Variants in STXBP5L observed in about 807,000 individuals in gnomAD.
STXBP5L encodes syntaxin-binding protein 5-like.
STXBP5L carries 65 observed loss-of-function variants against 144.5 expected under a neutral mutation model. The observed-to-expected ratio is 0.45, with a 90% CI of 0.37 to 0.55. The LOEUF is 0.55. STXBP5L is among the 20% of genes least tolerant of loss of function. The probability of loss-of-function intolerance (pLI) is 0.00; values close to 1 mark genes in which losing one functional copy is unlikely to be tolerated. For synonymous variants in STXBP5L, 505 were observed against 469.6 expected (o/e 1.08, Z -0.97); for missense variants, 1,298 against 1,405.5 (o/e 0.92, Z 1.22).
At chr3:121,205,619 C>G (rs1559862683) in intron 9 of STXBP5L, among the ~76,000 whole-genome samples, 1 of 152,090 alleles carries the variant, frequency 6.6e-6, no homozygotes. Context: ...TGTCTTCAAA[C>G]TTTAATAATT....
chr3:120,993,400 A>C (rs1338770927), intron 3 of STXBP5L, among the ~76,000 whole-genome samples: 1 of 152,006 alleles, frequency 6.6e-6, no homozygotes, highest in East Asian at 1.9e-4. Context: ...CATGTACTGC[A>C]GTGTTTCCCC....
intron 19 of STXBP5L, 53 bp from the exon 20 acceptor site, chr3:121,318,422 A>G: frequency 7.2e-7 from 1 of 1,395,844 alleles, no homozygotes; most frequent in South Asian, 1.5e-5. Flanking sequence ...AAATAAGAAT[A>G]ACCTACAAAA....
intron 3 of STXBP5L, among the ~76,000 whole-genome samples, chr3:121,001,128 G>T (rs753663754): frequency 2.6e-4 from 40 of 152,354 alleles, no homozygotes; most frequent in Non-Finnish European, 5.1e-4. Flanking sequence ...GGAGTGGCAG[G>T]TGGCAGCAGC....
intron 19 of STXBP5L, among the ~76,000 whole-genome samples, chr3:121,310,316 G>A (rs908205107): frequency 3.9e-5 from 6 of 152,242 alleles, no homozygotes; most frequent in African/African-American, 1.4e-4. Flanking sequence ...GCACTATTAA[G>A]AGGCCAGGCA....
chr3:121,023,415 A>G (rs910414083), intron 3 of STXBP5L, among the ~76,000 whole-genome samples: 2 of 152,166 alleles, frequency 1.3e-5, no homozygotes, highest in African/African-American at 4.8e-5. Context: ...ATATGGAACC[A>G]AAAAAGAGCC....
At chr3:121,083,467 G>A (rs555066214) in intron 5 of STXBP5L, among the ~76,000 whole-genome samples, 1 of 151,750 alleles carries the variant, frequency 6.6e-6, no homozygotes, top group Non-Finnish European at 1.5e-5. Flanking sequence ...TTCAAGACCA[G>A]CCTGGCCAAC....
rs553542326 is a variant in STXBP5L, at chr3:121,404,065, T to C, written c.2588-3178T>C. Among the ~76,000 whole-genome samples, 9 of 152,246 alleles carry C rather than the reference T, an allele frequency of 5.9e-5. 1 individual carries two copies. The South Asian group carries it at 1.9e-3, about 32-fold the overall frequency. On this transcript the variant is annotated intron_variant, in intron 22 of 26. Transcript: ENST00000471454. ...GACCTCTCCACAAATTCCTAACATATATCCAGCTATTTGATATCCATTTGG... is the reference window on the plus strand; with the variant it reads ...GACCTCTCCACAAATTCCTAACATACATCCAGCTATTTGATATCCATTTGG...
intron 19 of STXBP5L, among the ~76,000 whole-genome samples, chr3:121,310,838 G>A (rs1211034909): frequency 6.6e-6 from 1 of 152,036 alleles, no homozygotes; most frequent in East Asian, 1.9e-4. Flanking sequence ...GAAGCTGGGA[G>A]GTGAAGGTTG....
chr3:121,258,107 G>A (rs2050267393), intron 17 of STXBP5L, among the ~76,000 whole-genome samples: 1 of 151,924 alleles, frequency 6.6e-6, no homozygotes, highest in Non-Finnish European at 1.5e-5. Context: ...TTATTAATAA[G>A]CTAAACAAAG....
intron 20 of STXBP5L, among the ~76,000 whole-genome samples, chr3:121,339,909 T>C (rs888482776): frequency 2.0e-5 from 3 of 151,622 alleles, no homozygotes; most frequent in Admixed American, 6.6e-5. Context: ...TCACAGATGA[T>C]ACAAACAAAT....
intron 3 of STXBP5L, among the ~76,000 whole-genome samples, chr3:121,008,094 G>C (rs1288808973): frequency 6.6e-6 from 1 of 151,822 alleles, no homozygotes; most frequent in African/African-American, 2.4e-5. Flanking sequence ...CTTTCCTACT[G>C]GGTTTATGTA....
intron 20 of STXBP5L, among the ~76,000 whole-genome samples, chr3:121,366,714 G>A (rs1576296606): frequency 6.6e-6 from 1 of 152,028 alleles, no homozygotes; most frequent in African/African-American, 2.4e-5. Context: ...TATCTTTTGA[G>A]TAGAGGCTTT....
At chr3:121,305,660 A>G (rs2043313808) in intron 19 of STXBP5L, among the ~76,000 whole-genome samples, 2 of 152,178 alleles carry the variant, frequency 1.3e-5, no homozygotes, top group East Asian at 3.8e-4. Context: ...AATAGAATAA[A>G]CCGTACTAAG....
chr3:121,008,228 C>G (rs1026329020), intron 3 of STXBP5L, among the ~76,000 whole-genome samples: 1 of 151,936 alleles, frequency 6.6e-6, no homozygotes, highest in Non-Finnish European at 1.5e-5. Context: ...GTAGCAACAA[C>G]TCTAGCCCCT....
At chr3:121,024,278 A>G (rs911640641) in intron 3 of STXBP5L, among the ~76,000 whole-genome samples, 28 of 152,322 alleles carry the variant, frequency 1.8e-4, no homozygotes, top group Middle Eastern at 3.4e-3. Flanking sequence ...ATATCACCAA[A>G]GAGGCTATAT....
chr3:120,986,429 T>C (rs12330506), intron 3 of STXBP5L, among the ~76,000 whole-genome samples: 15,077 of 151,912 alleles, frequency 0.099, 1,181 homozygotes, highest in Admixed American at 0.2. Context: ...TTATATTCTA[T>C]CTGGTTGTTT....
At chr3:121,411,022 T>C (rs999003872) in intron 23 of STXBP5L, among the ~76,000 whole-genome samples, 3 of 152,072 alleles carry the variant, frequency 2.0e-5, no homozygotes, top group Non-Finnish European at 4.4e-5. Context: ...TGGAAATCTG[T>C]TTAACTGGGA....
At chr3:121,154,092 C>A (rs2046033264) in intron 8 of STXBP5L, among the ~76,000 whole-genome samples, 1 of 151,592 alleles carries the variant, frequency 6.6e-6, no homozygotes. Flanking sequence ...CGTTTTGAGC[C>A]TTAAAAAGAG....
At chr3:121,026,498 A>G (rs1945953592) in intron 3 of STXBP5L, among the ~76,000 whole-genome samples, 2 of 152,026 alleles carry the variant, frequency 1.3e-5, no homozygotes, top group Admixed American at 1.3e-4. Flanking sequence ...ATATGAGAGC[A>G]AGGGCTTTTA....
Sources: gnomAD v4.1 joint callset for allele counts (sites outside exome capture counted in the v4.1 genomes callset) on GRCh38, gnomAD v4.1.1 for gene constraint, MANE v1.5 for transcripts, NCBI Gene and HGNC (gene_info 2026-07-23, HGNC 2026-07-21) for gene names.